The following WDR35 variants were observed in gnomAD, a reference collection of about 807,000 sequenced individuals.
WDR35 encodes WD repeat-containing protein 35.
WDR35 carries 118 observed loss-of-function variants against 158.3 expected under a neutral mutation model. The ratio of observed to expected loss-of-function variants is 0.75; its 90% CI spans 0.64 to 0.87. The LOEUF (loss-of-function observed/expected upper bound fraction) is 0.87, where lower values mean the gene tolerates loss of function less well. WDR35 is among the 40% of genes least tolerant of loss of function. The pLI is 0.00. For synonymous variants in WDR35, 448 were observed against 476.1 expected (o/e 0.94, Z 0.77); for missense variants, 1,263 against 1,405.8 (o/e 0.90, Z 1.62).
At position 19,935,459 on chromosome 2, in the gene WDR35, T is replaced by G; in HGVS notation, c.2547+12A>C. On this transcript the variant is annotated intron_variant, in intron 21 of 26. Transcript: ENST00000281405. ...CCTAACAATTCCAAAAACTAAAATT[T>G]GCAATACCTACTGGAAGTAACTTGT... 2 of 1,612,374 alleles carry G rather than the reference T, an allele frequency of 1.2e-6. No homozygotes were observed. Among genetic ancestry groups the G allele is most frequent in the Non-Finnish European group, 1.7e-6 (2 of 1,179,336 alleles).
chr2:19,968,845 T>C (rs982352413), intron 9 of WDR35, among the ~76,000 whole-genome samples: 7 of 152,246 alleles, frequency 4.6e-5, no homozygotes, highest in Non-Finnish European at 1.5e-5. Context: ...TTGCTTATTC[T>C]CATTTTCTCC....
At chr2:19,987,910 A>ATATATATCTATATACACGTG (rs1202611500) in intron 2 of WDR35, among the ~76,000 whole-genome samples, 1 of 151,402 alleles carries the variant, frequency 6.6e-6, no homozygotes, top group African/African-American at 2.4e-5. Context: ...ATACACACGT[A>ATATATATCTATATACACGTG]TATATATATC....
intron 19 of WDR35, 62 bp downstream of exon 19, chr2:19,937,681 T>C: frequency 1.2e-6 from 2 of 1,605,998 alleles, no homozygotes; most frequent in East Asian, 2.2e-5. Flanking sequence ...AGTTTCCATT[T>C]GTAAAAAATA....
intron 8 of WDR35, among the ~76,000 whole-genome samples, chr2:19,972,340 C>T (rs769946319): frequency 6.6e-6 from 1 of 152,180 alleles, no homozygotes; most frequent in Non-Finnish European, 1.5e-5. Flanking sequence ...ACACTTAACA[C>T]ATTGTTTTGC....
At chr2:19,939,428 T>C (rs1399499916) in intron 17 of WDR35, among the ~76,000 whole-genome samples, 1 of 152,164 alleles carries the variant, frequency 6.6e-6, no homozygotes, top group African/African-American at 2.4e-5. Context: ...TGGTTTTTCA[T>C]AATTTTTCTT....
At chr2:19,982,618 CA>C in intron 2 of WDR35, 84 bp from the exon 3 acceptor site, 1 of 1,399,276 alleles carries the variant, frequency 7.1e-7, no homozygotes, top group East Asian at 2.4e-5. Context: ...TATTCCTGGG[CA>C]GTATTAATCA....
At chr2:19,939,507 C>A (rs1246253744) in intron 17 of WDR35, among the ~76,000 whole-genome samples, 5 of 152,128 alleles carry the variant, frequency 3.3e-5, no homozygotes, top group Non-Finnish European at 5.9e-5. Context: ...TTCCTTTAAA[C>A]TCACTTTCAG....
At chr2:19,955,184 T>G (rs1671386549) in intron 11 of WDR35, among the ~76,000 whole-genome samples, 1 of 152,234 alleles carries the variant, frequency 6.6e-6, no homozygotes, top group African/African-American at 2.4e-5. Flanking sequence ...TCTCTTGACC[T>G]CACCATCTGC....
At chr2:19,935,295 A>T in intron 21 of WDR35, 176 bp downstream of exon 21, 2 of 584,190 alleles carry the variant, frequency 3.4e-6, no homozygotes, top group Non-Finnish European at 5.4e-6. Flanking sequence ...CTCCATTTTC[A>T]AGCATTCTAT....
At position 19,936,307 on chromosome 2, in the gene WDR35, G is replaced by C. The variant is rs772138388; in HGVS notation, c.2326C>G (p.Leu776Val). 9 of 1,614,028 alleles carry C rather than the reference G, an allele frequency of 5.6e-6. No individual in the cohort carries two copies. In the African/African-American group the frequency reaches 1.2e-4, roughly 22 times the overall value. Reference protein sequence around the residue: ...LGDWFRVLQLLKTGSGDADDS... With the variant: ...LGDWFRVLQLVKTGSGDADDS... ...TCTGCATCACCAGATCCAGTTTTCAGGAGCTGGAGTACTCTAAACCAATCC... is the reference window on the plus strand; with the variant it reads ...TCTGCATCACCAGATCCAGTTTTCACGAGCTGGAGTACTCTAAACCAATCC... The change falls in exon 20 of 27, where the codon CTG becomes GTG. Residue 776 changes from leucine to valine, a missense_variant. Coordinates refer to ENST00000281405, the MANE Select transcript of WDR35 (RefSeq NM_020779.4).
chr2:19,984,318 G>T (rs1235192654), intron 2 of WDR35, among the ~76,000 whole-genome samples: 1 of 152,114 alleles, frequency 6.6e-6, no homozygotes, highest in Non-Finnish European at 1.5e-5. Context: ...GTTCTCAGAT[G>T]TCCATAAAAA....
intron 4 of WDR35, among the ~76,000 whole-genome samples, chr2:19,979,772 T>TACACACACACACAC (rs67421990): frequency 0.046 from 6,715 of 146,220 alleles, 229 homozygotes; most frequent in East Asian, 0.13. Context: ...TTCTATCCCC[T>TACACACACACACAC]ACACACACAC....
At position 19,914,228 on chromosome 2, in the gene WDR35, G is replaced by A. The variant is rs147730565; in HGVS notation, c.3171C>T (p.Tyr1057=). ...YEDIIPPVEI[Y]SLLALCACAS... ...CGCATGCGCAGAGTGCTAGCAGAGAGTAGATCTCCACAGGAGGGATGATGT... is the reference window on the plus strand; with the variant it reads ...CGCATGCGCAGAGTGCTAGCAGAGAATAGATCTCCACAGGAGGGATGATGT... Residue 1057 remains tyrosine, a synonymous_variant, in exon 26 of 27, where the codon TAC becomes TAT. Transcript: ENST00000281405. 3.1e-5 allele frequency: 50 copies of A among 1,614,188 alleles called. No individual in the cohort carries two copies. The highest frequency in any genetic ancestry group is 4.2e-5 in the Non-Finnish European group (50 of 1,180,004).
At chr2:19,976,908 C>T (rs1354860747) in intron 5 of WDR35, among the ~76,000 whole-genome samples, 1 of 152,070 alleles carries the variant, frequency 6.6e-6, no homozygotes, top group East Asian at 1.9e-4. Context: ...CAGCCTCAAC[C>T]TCTCAGGCTC....
intron 17 of WDR35, among the ~76,000 whole-genome samples, chr2:19,940,233 G>A (rs536910372): frequency 3.3e-5 from 5 of 151,220 alleles, no homozygotes; most frequent in South Asian, 4.2e-4. Flanking sequence ...CAAGCATGGC[G>A]GCCTGTGCCT....
intron 10 of WDR35, among the ~76,000 whole-genome samples, chr2:19,966,454 G>T (rs1001436336): frequency 6.6e-6 from 1 of 151,850 alleles, no homozygotes; most frequent in Non-Finnish European, 1.5e-5. Context: ...AAGGGATTGC[G>T]GTATTTTAAA....
chr2:19,914,667 T>G (rs1655385960), intron 25 of WDR35, among the ~76,000 whole-genome samples: 1 of 152,230 alleles, frequency 6.6e-6, no homozygotes, highest in South Asian at 2.1e-4. Flanking sequence ...GATAATACCA[T>G]GTTTCCTTTT....
rs201913623 is a variant in WDR35 at position 19,938,276 on chromosome 2, G to A, written c.2052C>T (p.His684=). 4.3e-6 allele frequency: 7 copies of A among 1,613,914 alleles called. No homozygotes were observed. The highest frequency in any genetic ancestry group is 5.9e-6 in the Non-Finnish European group (7 of 1,180,012). ...DASQFIEDNP[H]PRLWRLLAEA... is the part of the protein sequence containing the mutation. Reference sequence around the variant, plus strand: ...CTTTTTTTAAATACCAAAGTCGGGGGTGTGGATTGTCCTCTATGAACTGAG... The same window carrying A: ...CTTTTTTTAAATACCAAAGTCGGGGATGTGGATTGTCCTCTATGAACTGAG... Residue 684 remains histidine, a synonymous_variant, in exon 18 of 27, where the codon CAC becomes CAT. Transcript: ENST00000281405.
chr2:19,946,478 G>C lies in WDR35; in HGVS notation c.1617C>G (p.Ser539=), dbSNP rs1671056870. ...YSLNCRAYQL[S]LNCNSSRLAI... is the part of the protein sequence containing the mutation. ...AGGCTTACCTAGAGTTGCAATTCAAGGATAACTGGTAGGCTCGACAATTAA... is the reference window on the plus strand; with the variant it reads ...AGGCTTACCTAGAGTTGCAATTCAACGATAACTGGTAGGCTCGACAATTAA... The change falls in exon 15 of 27, where the codon TCC becomes TCG. Residue 539 remains serine (S), a synonymous_variant. Transcript: ENST00000281405. 6.2e-7 allele frequency: 1 copy of C among 1,613,468 alleles called. No homozygotes were observed. The highest frequency in any genetic ancestry group is 8.5e-7 in the Non-Finnish European group (1 of 1,179,618).
Sources: allele counts gnomAD v4.1 joint callset (sites outside exome capture counted in the v4.1 genomes callset), GRCh38; gene constraint gnomAD v4.1.1; transcripts MANE v1.5; gene names NCBI Gene and HGNC (gene_info 2026-07-23, HGNC 2026-07-21).